NT5DC3: variants seen among roughly 807,000 people sequenced by gnomAD.
NT5DC3 encodes the protein 5'-nucleotidase domain-containing protein 3.
Under a neutral mutation model 67.8 loss-of-function variants are expected in NT5DC3, and 42 were observed. The observed-to-expected ratio is 0.62, with a 90% CI of 0.48 to 0.80. The LOEUF (loss-of-function observed/expected upper bound fraction) is 0.80. Ranked by LOEUF, NT5DC3 falls within the 30% of genes least tolerant of loss-of-function variation. NT5DC3 has a pLI of 0.00. For missense variants in NT5DC3, 570 were observed against 696.4 expected, an observed-to-expected ratio of 0.82 and a Z score of 2.04; for synonymous variants, 237 against 255.6, an observed-to-expected ratio of 0.93 and a Z score of 0.69.
intron 4 of NT5DC3, among the ~76,000 whole-genome samples, chr12:103,804,945 G>A (rs551911452): frequency 6.6e-6 from 1 of 152,142 alleles, no homozygotes; most frequent in Non-Finnish European, 1.5e-5. Context: ...CAGCTCTTTG[G>A]GAGGCTAAAG....
chr12:103,826,704 G>C (rs766621618), intron 1 of NT5DC3, among the ~76,000 whole-genome samples: 2 of 152,220 alleles, frequency 1.3e-5, no homozygotes, highest in Non-Finnish European at 2.9e-5. Context: ...ATTTGTTACA[G>C]AAGCAATGAA....
At position 103,776,644 on chromosome 12, in the gene NT5DC3, CTTAGACATCTAAAAAAA is replaced by C. The variant is rs1466999366; in HGVS notation, c.*1168_*1184del. 6.7e-6 allele frequency: 1 copy of C among 148,496 alleles called. No individual in the cohort carries two copies. Among genetic ancestry groups the C allele is most frequent in the Non-Finnish European group, 1.5e-5 (1 of 67,468 alleles). The allele number at this position is 148,496 out of a possible 1,614,324, so 9.2% of individuals were successfully genotyped here. A position where few individuals can be genotyped will look rare whatever the true frequency, so the allele number is the denominator to read the frequency against. On this transcript the variant is annotated 3_prime_UTR_variant, in exon 14 of 14. Transcript: ENST00000392876. ...TTCAATGTCCTTCGCCCTTTCCCAT[CTTAGACATCTAAAAAAA>C]AACAAAACAAAACAAAAAAAAAAAA...
chr12:103,750,944 C>G, the NT5DC3 span, among the ~76,000 whole-genome samples: 2 of 152,164 alleles, frequency 1.3e-5, no homozygotes, highest in Non-Finnish European at 2.9e-5. Context: ...TACAAAAAAT[C>G]AGCCGGTTGT....
At chr12:103,765,821 C>T (rs1884910334), downstream of NT5DC3, among the ~76,000 whole-genome samples, 3 of 152,148 alleles carry the variant, frequency 2.0e-5, no homozygotes, top group Non-Finnish European at 4.4e-5. Context: ...GGATTACAGG[C>T]GCGAGCCACC....
intron 12 of NT5DC3, among the ~76,000 whole-genome samples, chr12:103,785,009 C>T (rs963645758): frequency 1.8e-4 from 28 of 152,132 alleles, no homozygotes; most frequent in African/African-American, 5.3e-4. Flanking sequence ...GAAGTCCCAC[C>T]GTAGCAGGTG....
At chr12:103,806,246 A>C (rs1412527452) in intron 4 of NT5DC3, 76 bp downstream of exon 4, 19 of 877,244 alleles carry the variant, frequency 2.2e-5, no homozygotes, top group Admixed American at 8.8e-5. Context: ...CTTCATCATT[A>C]AACAGTCAGA....
At chr12:103,791,848 A>C (rs1329797106) in intron 9 of NT5DC3, among the ~76,000 whole-genome samples, 1 of 152,180 alleles carries the variant, frequency 6.6e-6, no homozygotes, top group African/African-American at 2.4e-5. Flanking sequence ...TGTGCTCCTT[A>C]TGAGAATCTA....
At chr12:103,757,920 G>A in the NT5DC3 span, 3 of 519,424 alleles carry the variant, frequency 5.8e-6, no homozygotes, top group South Asian at 7.2e-5. Context: ...CTTTCAAAGG[G>A]CTGCTCAAGC....
At chr12:103,768,528 AGAGAGG>A (rs1165900042), downstream of NT5DC3, among the ~76,000 whole-genome samples, 1 of 21,228 alleles carries the variant, frequency 4.7e-5, no homozygotes, top group African/African-American at 2.0e-4. Flanking sequence ...GAGATGGGAG[AGAGAGG>A]GAGAGGGGGA....
chr12:103,839,926 T>G (rs1888307446), intron 1 of NT5DC3, among the ~76,000 whole-genome samples: 1 of 152,194 alleles, frequency 6.6e-6, no homozygotes, highest in South Asian at 2.1e-4. Flanking sequence ...AAATAATCTC[T>G]CCCTATCTAT....
the NT5DC3 span, chr12:103,746,799 CCTGTCTGGGCCA>C: frequency 2.5e-6 from 3 of 1,205,728 alleles, no homozygotes; most frequent in Non-Finnish European, 3.7e-6. Context: ...AGCCCTCCTT[CCTGTCTGGGCCA>C]CTTCAGCAGC....
At chr12:103,795,700 T>C (rs1344356258) in intron 6 of NT5DC3, among the ~76,000 whole-genome samples, 7 of 151,952 alleles carry the variant, frequency 4.6e-5, no homozygotes, top group African/African-American at 7.2e-5. Flanking sequence ...TATAAATATG[T>C]TATAACTATG....
the NT5DC3 span, chr12:103,753,073 C>A: frequency 1.1e-6 from 1 of 877,650 alleles, no homozygotes; most frequent in Non-Finnish European, 1.7e-6. Flanking sequence ...AAATGATGTA[C>A]TTCAACATAA....
At chr12:103,752,969 G>A in the NT5DC3 span, among the ~76,000 whole-genome samples, 1 of 152,196 alleles carries the variant, frequency 6.6e-6, no homozygotes, top group Non-Finnish European at 1.5e-5. Flanking sequence ...GAATAGAATT[G>A]TAGGTGGTTT....
At chr12:103,836,433 G>T (rs903167797) in intron 1 of NT5DC3, among the ~76,000 whole-genome samples, 1 of 152,060 alleles carries the variant, frequency 6.6e-6, no homozygotes, top group Non-Finnish European at 1.5e-5. Flanking sequence ...AAAACAAAGG[G>T]GTTACAGGCC....
rs192595585 is a variant in NT5DC3 at position 103,836,835 on chromosome 12, G to A, written c.208+4114C>T. Among the ~76,000 whole-genome samples, 117 of 152,208 alleles carry A rather than the reference G, an allele frequency of 7.7e-4. 1 individual carries two copies. The highest frequency in any genetic ancestry group is 2.5e-3 in the African/African-American group (105 of 41,534). On this transcript the variant is annotated intron_variant, in intron 1 of 13. Transcript: ENST00000392876. ...CCCTCCCAGCTGCTTTCACGGGTGG[G>A]CGTCGAATGTCTGTCTGTGGCTTCT...
downstream of NT5DC3, among the ~76,000 whole-genome samples, chr12:103,769,757 C>T (rs183547455): frequency 6.6e-6 from 1 of 152,344 alleles, no homozygotes; most frequent in East Asian, 1.9e-4. Flanking sequence ...TCTTGTCTTA[C>T]GAGCAGGGAG....
intron 2 of NT5DC3, among the ~76,000 whole-genome samples, chr12:103,811,896 T>C (rs1327307365): frequency 1.3e-5 from 2 of 151,844 alleles, no homozygotes; most frequent in African/African-American, 4.8e-5. Context: ...TGCTGAGAGA[T>C]CAGACATGGA....
Position 103,777,715 on chromosome 12 carries a change from T to C in NT5DC3, c.*114A>G. 8.3e-7 allele frequency: 1 copy of C among 1,207,884 alleles called. No homozygotes were observed. The highest frequency in any genetic ancestry group is 1.2e-6 in the Non-Finnish European group (1 of 857,968). The allele number at this position is 1,207,884 out of a possible 1,614,324, so 74.8% of individuals were successfully genotyped here. A position where few individuals can be genotyped will look rare whatever the true frequency, so the allele number is the denominator to read the frequency against. On this transcript the variant is annotated 3_prime_UTR_variant, in exon 14 of 14. Transcript: ENST00000392876. ...TATTCTCCGTAAGGTACAAAATAAATATCAAAAGGCTTATCTGTATCTTTT... is the reference window on the plus strand; with the variant it reads ...TATTCTCCGTAAGGTACAAAATAAACATCAAAAGGCTTATCTGTATCTTTT...
Sources: allele counts gnomAD v4.1 joint callset (sites outside exome capture counted in the v4.1 genomes callset), GRCh38; gene constraint gnomAD v4.1.1; transcripts MANE v1.5; gene names NCBI Gene and HGNC (gene_info 2026-07-23, HGNC 2026-07-21).